Variants in NPSR1 observed in about 807,000 individuals in gnomAD.
The protein encoded by NPSR1 is neuropeptide S receptor.
NPSR1 carries 48 observed loss-of-function variants against 46.9 expected under a neutral mutation model. The ratio of observed to expected loss-of-function variants is 1.02; its 90% confidence interval spans 0.81 to 1.30. The LOEUF (loss-of-function observed/expected upper bound fraction) is 1.30, where lower values mean the gene tolerates loss of function less well. NPSR1 is among the 50% of genes most tolerant of loss of function. NPSR1 has a pLI of 0.00. For missense variants in NPSR1, 450 were observed against 449.5 expected (o/e 1.00, Z -0.01); for synonymous variants, 176 against 168.1 (o/e 1.05, Z -0.36).
At chr7:34,701,560 A>G (rs1028997820) in intron 2 of NPSR1, among the ~76,000 whole-genome samples, 3 of 152,214 alleles carry the variant, frequency 2.0e-5, no homozygotes, top group Non-Finnish European at 4.4e-5. Context: ...ATTAAAATGA[A>G]TATGCCTTCT....
chr7:34,744,737 T>C (rs566616022), intron 2 of NPSR1, among the ~76,000 whole-genome samples: 1 of 152,184 alleles, frequency 6.6e-6, no homozygotes, highest in Non-Finnish European at 1.5e-5. Flanking sequence ...CAGTTCCCCA[T>C]CCTAAAGCTA....
At chr7:34,795,529 A>T (rs1788134442) in intron 3 of NPSR1, among the ~76,000 whole-genome samples, 1 of 151,960 alleles carries the variant, frequency 6.6e-6, no homozygotes, top group African/African-American at 2.4e-5. Context: ...AACCAAAAAA[A>T]CTCTCCCAGA....
chr7:34,659,554 A>C lies in NPSR1; in HGVS notation c.147+995A>C, dbSNP rs143012581. ...AAGTTCACTTCTTTTGCAAATATTC[A>C]GAATAAAACTTTCAGCAGGGTGCTG... is the stretch of plus-strand genomic sequence containing the variant. On this transcript the variant is annotated intron_variant, in intron 1 of 8. Transcript: ENST00000360581. Among the ~76,000 whole-genome samples, 555 of 152,314 alleles carry C rather than the reference A, an allele frequency of 3.6e-3. 1 individual carries two copies. Among genetic ancestry groups the C allele is most frequent in the Non-Finnish European group, 5.6e-3 (381 of 68,028 alleles).
chr7:34,851,684 A>G (rs1721959799), downstream of NPSR1, among the ~76,000 whole-genome samples: 1 of 152,198 alleles, frequency 6.6e-6, no homozygotes, highest in South Asian at 2.1e-4. Flanking sequence ...GGTTCTCTTG[A>G]CAGATGCTTT....
chr7:34,795,036 C>T (rs560450928), intron 3 of NPSR1, among the ~76,000 whole-genome samples: 27 of 152,008 alleles, frequency 1.8e-4, no homozygotes, highest in African/African-American at 5.8e-4. Context: ...GAGACCCTAT[C>T]TCTTAAAAAA....
At chr7:34,775,190 G>T (rs943167520) in intron 2 of NPSR1, among the ~76,000 whole-genome samples, 2 of 152,140 alleles carry the variant, frequency 1.3e-5, no homozygotes, top group Admixed American at 1.3e-4. Flanking sequence ...ATGTTCAGAT[G>T]GTCCATGTCT....
chr7:34,743,237 C>T (rs1029481158), intron 2 of NPSR1, among the ~76,000 whole-genome samples: 3 of 152,088 alleles, frequency 2.0e-5, no homozygotes, highest in East Asian at 3.9e-4. Context: ...CCTGTATCCA[C>T]GATGGTATTA....
chr7:34,744,273 A>G (rs193047564), intron 2 of NPSR1, among the ~76,000 whole-genome samples: 2 of 152,146 alleles, frequency 1.3e-5, no homozygotes, highest in African/African-American at 2.4e-5. Flanking sequence ...TCTTACATTG[A>G]TATCACTACA....
intron 2 of NPSR1, among the ~76,000 whole-genome samples, chr7:34,685,108 G>A (rs1056817267): frequency 2.0e-5 from 3 of 152,202 alleles, no homozygotes; most frequent in Non-Finnish European, 2.9e-5. Context: ...ATTAAAGCCT[G>A]TGGACATTGC....
At chr7:34,830,755 T>C (rs745511393) in intron 5 of NPSR1, among the ~76,000 whole-genome samples, 19 of 152,242 alleles carry the variant, frequency 1.2e-4, no homozygotes, top group Non-Finnish European at 2.6e-4. Flanking sequence ...ACCTCATTGT[T>C]TTACTTATTG....
At chr7:34,709,646 A>C (rs758427420) in intron 2 of NPSR1, among the ~76,000 whole-genome samples, 3 of 152,070 alleles carry the variant, frequency 2.0e-5, no homozygotes, top group Non-Finnish European at 4.4e-5. Context: ...ATTCTACTAT[A>C]ACTTACTTAT....
At chr7:34,840,901 C>G (rs936989937) in intron 6 of NPSR1, among the ~76,000 whole-genome samples, 2 of 152,146 alleles carry the variant, frequency 1.3e-5, no homozygotes, top group Admixed American at 1.3e-4. Flanking sequence ...CAAAGACACC[C>G]TGGGAAGAAA....
chr7:34,868,728 C>T (rs548176185), intron 8 of NPSR1, among the ~76,000 whole-genome samples: 4 of 151,780 alleles, frequency 2.6e-5, no homozygotes, highest in African/African-American at 7.3e-5. Flanking sequence ...CTCGTGTTTG[C>T]CCCCTGAGTC....
intron 3 of NPSR1, among the ~76,000 whole-genome samples, chr7:34,808,226 G>A (rs1329459323): frequency 1.3e-5 from 2 of 152,104 alleles, no homozygotes; most frequent in African/African-American, 4.8e-5. Flanking sequence ...TTTTATTTTT[G>A]CCCAGTAGAA....
At chr7:34,746,483 T>C (rs908635668) in intron 2 of NPSR1, among the ~76,000 whole-genome samples, 3 of 152,190 alleles carry the variant, frequency 2.0e-5, no homozygotes, top group African/African-American at 7.2e-5. Context: ...AAAGAAAACA[T>C]GGTATATACA....
intron 4 of NPSR1, among the ~76,000 whole-genome samples, chr7:34,820,138 A>G (rs1789483888): frequency 6.6e-6 from 1 of 152,206 alleles, no homozygotes; most frequent in African/African-American, 2.4e-5. Context: ...AAACAAAACA[A>G]TACTAAAGGG....
intron 8 of NPSR1, among the ~76,000 whole-genome samples, chr7:34,858,202 A>ATTAT (rs1791093306): frequency 6.6e-6 from 1 of 151,814 alleles, no homozygotes; most frequent in Admixed American, 6.6e-5. Flanking sequence ...ACCCTACAGA[A>ATTAT]GTGTGAATTA....
chr7:34,670,283 A>C (rs1417732213), intron 1 of NPSR1, among the ~76,000 whole-genome samples: 3 of 152,182 alleles, frequency 2.0e-5, no homozygotes, highest in Non-Finnish European at 4.4e-5. Context: ...GATCAATAAT[A>C]AGAAATATTT....
At chr7:34,658,658 G>C (rs186778540) in intron 1 of NPSR1, 99 bp downstream of exon 1, 3 of 1,196,784 alleles carry the variant, frequency 2.5e-6, no homozygotes, top group Non-Finnish European at 3.6e-6. Flanking sequence ...TATTGTGAAT[G>C]AGTGTTATTT....
Sources: allele counts gnomAD v4.1 joint callset (sites outside exome capture counted in the v4.1 genomes callset), GRCh38; gene constraint gnomAD v4.1.1; transcripts MANE v1.5; gene names NCBI Gene and HGNC (gene_info 2026-07-23, HGNC 2026-07-21).